The following PAQR9 variants were observed in gnomAD, a reference collection of about 807,000 sequenced individuals.
PAQR9 encodes the protein membrane progestin receptor epsilon.
A neutral mutation model predicts 24.0 loss-of-function variants in PAQR9; 12 were observed. The ratio of observed to expected loss-of-function variants is 0.50; its 90% CI spans 0.32 to 0.81. PAQR9 has a LOEUF of 0.81. Ranked by LOEUF, PAQR9 falls within the 30% of genes least tolerant of loss-of-function variation. The probability of loss-of-function intolerance (pLI) is 0.03; values close to 1 mark genes in which losing one functional copy is unlikely to be tolerated. For missense variants in PAQR9, 418 were observed against 520.8 expected, an observed-to-expected ratio of 0.80 and a Z score of 1.92; for synonymous variants, 266 against 237.6, an observed-to-expected ratio of 1.12 and a Z score of -1.10.
chr3:142,952,854 A>G (rs1327715277), downstream of PAQR9: 1 of 456,606 alleles, frequency 2.2e-6, no homozygotes, highest in Non-Finnish European at 4.4e-6. Context: ...GCAGAACCTA[A>G]CAAAAAGCCA....
rs762900126 is a variant in PAQR9 at position 142,961,458 on chromosome 3, C to G, written c.*745G>C. On this transcript the variant is annotated 3_prime_UTR_variant, in exon 1 of 1. Transcript: ENST00000340634. ...TTCACAGTTGTATCATGACACACGC[C>G]TTCAGAAAACACTGTTTAAGAAAGT... 8 of 152,532 alleles carry G rather than the reference C, an allele frequency of 5.2e-5. No homozygotes were observed. Among genetic ancestry groups the G allele is most frequent in the Non-Finnish European group, 1.2e-4 (8 of 68,088 alleles). The allele number at this position is 152,532 out of a possible 1,614,324, so 9.4% of individuals were successfully genotyped here.
chr3:142,954,792 A>G lies in PAQR9; in HGVS notation c.*7411T>C, dbSNP rs879840586. ...ACTGGCCAAAGTGATACCTATTTCT[A>G]TAGATTATTTTATCACATAATGGAG... On this transcript the variant is annotated 3_prime_UTR_variant, in exon 1 of 1. Coordinates refer to ENST00000340634, the MANE Select transcript of PAQR9 (RefSeq NM_198504.4). 1.3e-5 allele frequency among the ~76,000 whole-genome samples: 2 copies of G among 152,162 alleles called. No individual in the cohort carries two copies. Among genetic ancestry groups the G allele is most frequent in the African/African-American group, 2.4e-5 (1 of 41,432 alleles).
downstream of PAQR9, chr3:142,950,621 GA>G: frequency 2.3e-6 from 1 of 428,352 alleles, no homozygotes; most frequent in Non-Finnish European, 4.7e-6. Context: ...ATAATGTATT[GA>G]AAGGCTATGG....
chr3:142,950,584 T>TG, downstream of PAQR9: 1 of 439,762 alleles, frequency 2.3e-6, no homozygotes, highest in South Asian at 1.6e-5. Context: ...GAGCTTAAGG[T>TG]GGGAAAAAGG....
downstream of PAQR9, chr3:142,950,708 TG>T (rs889938666): frequency 4.9e-6 from 1 of 205,226 alleles, no homozygotes; most frequent in African/African-American, 2.3e-5. Context: ...ACTCTGGGCT[TG>T]CAGGGCTACC....
Position 142,958,033 on chromosome 3 carries a change from T to C in PAQR9, c.*4170A>G, listed in dbSNP as rs534178971. Among the ~76,000 whole-genome samples, 48 of 152,274 alleles carry C rather than the reference T, an allele frequency of 3.2e-4. No homozygotes were observed. The highest frequency in any genetic ancestry group is 2.0e-3 in the Admixed American group (30 of 15,296). On this transcript the variant is annotated 3_prime_UTR_variant, in exon 1 of 1. Transcript: ENST00000340634. ...GACAAAAGGGTAATGGCTGTAATAA[T>C]ACGGATGGGTCCTTGCCCAATGTCT...
rs1308298497 is a variant in PAQR9 at position 142,956,375 on chromosome 3, G to A, written c.*5828C>T. ...TGGAGGTATAAGGCATGAGGGAAAGGTGGCCTGTCACTTTTACACATTGGA... is the reference window on the plus strand; with the variant it reads ...TGGAGGTATAAGGCATGAGGGAAAGATGGCCTGTCACTTTTACACATTGGA... On this transcript the variant is annotated 3_prime_UTR_variant, in exon 1 of 1. Transcript: ENST00000340634. 6.6e-6 allele frequency among the ~76,000 whole-genome samples: 1 copy of A among 152,202 alleles called. No homozygotes were observed. Among genetic ancestry groups the A allele is most frequent in the Non-Finnish European group, 1.5e-5 (1 of 68,044 alleles).
Position 142,962,592 on chromosome 3 carries a change from T to G in PAQR9, c.745A>C (p.Met249Leu). Residue 249 changes from methionine (M) to leucine (L), a missense_variant, in exon 1 of 1, where the codon ATG becomes CTG. Met to Leu is a conservative substitution (Grantham distance 15). Around this residue, in one of 3 missense-constraint regions of PAQR9, gnomAD observed 230 missense variants for 305.2 expected, o/e 0.75. Coordinates refer to ENST00000340634, the MANE Select transcript of PAQR9 (RefSeq NM_198504.4). ...PFALRTFVFV[M>L]PLSMACPIML... ...ATGGGGCAGGCCATGCTGAGCGGCATGACGAAGACGAAGGTGCGCAGCGCG... is the reference window on the plus strand; with the variant it reads ...ATGGGGCAGGCCATGCTGAGCGGCAGGACGAAGACGAAGGTGCGCAGCGCG... 1 of 1,613,906 alleles carries G rather than the reference T, an allele frequency of 6.2e-7. No homozygotes were observed. Among genetic ancestry groups the G allele is most frequent in the East Asian group, 2.2e-5 (1 of 44,874 alleles).
chr3:142,953,529 G>A (rs527492282), downstream of PAQR9, among the ~76,000 whole-genome samples: 11 of 152,240 alleles, frequency 7.2e-5, no homozygotes, highest in South Asian at 2.3e-3. Context: ...CTTTAACAGG[G>A]ACCCCACACT....
In PAQR9 at chr3:142,963,505, T is replaced by G. The variant is rs1044474955; in HGVS notation, c.-169A>C. The G allele has an allele frequency of 4.6e-5, 47 of 1,021,388 alleles. No individual in the cohort carries two copies. The highest frequency in any genetic ancestry group is 4.6e-4 in the Admixed American group (8 of 17,454). 63.3% of individuals were successfully genotyped at this position (1,021,388 alleles called of 1,614,324 possible). On this transcript the variant is annotated 5_prime_UTR_variant, in exon 1 of 1. Transcript: ENST00000340634. Reference sequence around the variant, plus strand: ...CGAGCAGCCGCTCCTAAAAATTAAATAAATCAATAAGAGAATCAATTAATA... The same window carrying G: ...CGAGCAGCCGCTCCTAAAAATTAAAGAAATCAATAAGAGAATCAATTAATA...
At position 142,955,477 on chromosome 3, in the gene PAQR9, A is replaced by AAAAAAAAAAG. The variant is rs1553826345; in HGVS notation, c.*6725_*6726insCTTTTTTTTT. Among the ~76,000 whole-genome samples, 2 of 108,460 alleles carry AAAAAAAAAAG rather than the reference A, an allele frequency of 1.8e-5. No homozygotes were observed. The highest frequency in any genetic ancestry group is 3.8e-5 in the Non-Finnish European group (2 of 52,048). 71.2% of individuals were successfully genotyped at this position (108,460 alleles called of 152,430 possible). A position where few individuals can be genotyped will look rare whatever the true frequency, so the allele number is the denominator to read the frequency against. On this transcript the variant is annotated 3_prime_UTR_variant, in exon 1 of 1. Coordinates refer to ENST00000340634, the MANE Select transcript of PAQR9 (RefSeq NM_198504.4). ...AAAAAAAAAAAAAAAAAAAAAAAAA[A>AAAAAAAAAAG]GCAGCCACAGAATCCTCCCCCAGCC...
downstream of PAQR9, chr3:142,952,986 A>G (rs1435881042): frequency 2.3e-6 from 1 of 427,294 alleles, no homozygotes; most frequent in African/African-American, 2.0e-5. Flanking sequence ...AGACAGCCCA[A>G]ATGGAGCAGC....
At position 142,962,043 on chromosome 3, in the gene PAQR9, T is replaced by G; in HGVS notation, c.*160A>C. The G allele has an allele frequency of 2.4e-6, 2 of 837,334 alleles. No individual in the cohort carries two copies. The highest frequency in any genetic ancestry group is 3.7e-6 in the Non-Finnish European group (2 of 536,424). The allele number at this position is 837,334 out of a possible 1,614,324, so 51.9% of individuals were successfully genotyped here. ...TCCCTACTTCAAAGCCTCCAGTGGGTTGGGATCCCTTTGTAGCAGTGAACT... is the reference window on the plus strand; with the variant it reads ...TCCCTACTTCAAAGCCTCCAGTGGGGTGGGATCCCTTTGTAGCAGTGAACT... On this transcript the variant is annotated 3_prime_UTR_variant, in exon 1 of 1. Transcript: ENST00000340634.
chr3:142,963,343 C>G lies in PAQR9; in HGVS notation c.-7G>C. ...GCTGCAGGCGCCGCGGCATGGTGCC[C>G]GGGGCTCGGCTAGGGCGCGCGCAGG... is the stretch of plus-strand genomic sequence containing the variant. On this transcript the variant is annotated 5_prime_UTR_variant, in exon 1 of 1. Transcript: ENST00000340634. The G allele has an allele frequency of 1.5e-6, 2 of 1,322,552 alleles. No homozygotes were observed. Among genetic ancestry groups the G allele is most frequent in the Non-Finnish European group, 1.9e-6 (2 of 1,042,078 alleles). The allele number at this position is 1,322,552 out of a possible 1,614,324, so 81.9% of individuals were successfully genotyped here.
At chr3:142,952,173 T>A (rs943197856), downstream of PAQR9, among the ~76,000 whole-genome samples, 2 of 152,098 alleles carry the variant, frequency 1.3e-5, no homozygotes, top group African/African-American at 4.8e-5. Context: ...GTAGAAGTAG[T>A]TGATGAACAT....
At chr3:142,952,797 T>C (rs1560157678), downstream of PAQR9, 1 of 456,722 alleles carries the variant, frequency 2.2e-6, no homozygotes, top group Admixed American at 2.3e-5. Context: ...TTACCTGCCT[T>C]CTGCTGCTTT....
At chr3:142,953,174 G>T (rs1934742747), downstream of PAQR9, among the ~76,000 whole-genome samples, 1 of 152,118 alleles carries the variant, frequency 6.6e-6, no homozygotes, top group Admixed American at 6.5e-5. Flanking sequence ...GTTCGGGGTG[G>T]GAGTTTGCCT....
chr3:142,963,923 G>T (rs1934975333), upstream of PAQR9: 1 of 980,762 alleles, frequency 1.0e-6, no homozygotes, highest in Non-Finnish European at 1.2e-6. Flanking sequence ...CAGGCTGGTC[G>T]GCGACGCGGC....
Position 142,955,243 on chromosome 3 carries a change from A to G in PAQR9, c.*6960T>C, listed in dbSNP as rs1934772962. ...TTGCAAATCCAAGAACAGTCACCGT[A>G]TTTAAAACCTTTGTTTGGAAATGGG... On this transcript the variant is annotated 3_prime_UTR_variant, in exon 1 of 1. Transcript: ENST00000340634. 6.6e-6 allele frequency among the ~76,000 whole-genome samples: 1 copy of G among 151,988 alleles called. No homozygotes were observed. The highest frequency in any genetic ancestry group is 1.5e-5 in the Non-Finnish European group (1 of 68,004).
Sources: allele counts gnomAD v4.1 joint callset (sites outside exome capture counted in the v4.1 genomes callset), GRCh38; gene constraint gnomAD v4.1.1; regional missense constraint gnomAD v4.1.1; transcripts MANE v1.5; gene names NCBI Gene and HGNC (gene_info 2026-07-23, HGNC 2026-07-21).